DYM: variants seen among roughly 807,000 people sequenced by gnomAD.
The protein encoded by DYM is dymeclin, also known as dyggve-Melchior-Clausen syndrome protein.
Under a neutral mutation model 93.1 loss-of-function variants are expected in DYM, and 78 were observed. The ratio of observed to expected loss-of-function variants is 0.84; its 90% confidence interval spans 0.70 to 1.01. The LOEUF (loss-of-function observed/expected upper bound fraction) is 1.01, where lower values mean the gene tolerates loss of function less well. Among genes scored for constraint, DYM ranks in the 50% least tolerant of loss-of-function variants. The probability of loss-of-function intolerance (pLI) is 0.00; values close to 1 mark genes in which losing one functional copy is unlikely to be tolerated. For missense variants in DYM, 789 were observed against 845.0 expected (o/e 0.93, Z 0.82); for synonymous variants, 321 against 319.7 (o/e 1.00, Z -0.04).
intron 15 of DYM, among the ~76,000 whole-genome samples, chr18:49,124,803 A>G (rs893588478): frequency 6.6e-6 from 1 of 152,210 alleles, no homozygotes; most frequent in Non-Finnish European, 1.5e-5. Context: ...CACATTTTAC[A>G]TGATATTGTA....
intron 14 of DYM, among the ~76,000 whole-genome samples, chr18:49,186,490 G>A (rs182002376): frequency 1.3e-5 from 2 of 151,862 alleles, no homozygotes; most frequent in East Asian, 1.9e-4. Flanking sequence ...CACCCCCTAC[G>A]CTTGGAACAA....
chr18:49,457,925 C>A (rs891465232), intron 1 of DYM, among the ~76,000 whole-genome samples: 6 of 152,126 alleles, frequency 3.9e-5, no homozygotes, highest in South Asian at 2.1e-4. Flanking sequence ...AGGTACGCCA[C>A]AAGCCAAGGA....
intron 17 of DYM, among the ~76,000 whole-genome samples, chr18:49,056,657 A>C (rs987236441): frequency 6.6e-6 from 1 of 150,578 alleles, no homozygotes; most frequent in African/African-American, 2.5e-5. Flanking sequence ...CCCACTTTAG[A>C]CTCCCTAGTA....
In DYM at chr18:49,258,143, T is replaced by C. The variant is rs571409014; in HGVS notation, c.1365+237A>G. ...ATAAAGACATACAATAGCTTTTATCTAAATGTTTTGCATTGCTTGTTTTCT... is the reference window on the plus strand; with the variant it reads ...ATAAAGACATACAATAGCTTTTATCCAAATGTTTTGCATTGCTTGTTTTCT... On this transcript the variant is annotated intron_variant, in intron 12 of 17. Transcript: ENST00000675505. Among the ~76,000 whole-genome samples, 5 of 152,352 alleles carry C rather than the reference T, an allele frequency of 3.3e-5. No homozygotes were observed. The East Asian group carries it at 5.8e-4, about 18-fold the overall frequency.
intron 15 of DYM, among the ~76,000 whole-genome samples, chr18:49,156,091 G>A (rs2086384974): frequency 6.6e-6 from 1 of 152,184 alleles, no homozygotes; most frequent in Admixed American, 6.5e-5. Flanking sequence ...CATCAAAATA[G>A]ATGTGTGAAG....
intron 8 of DYM, among the ~76,000 whole-genome samples, chr18:49,330,097 GT>G (rs1231518971): frequency 1.3e-5 from 2 of 151,938 alleles, no homozygotes; most frequent in Non-Finnish European, 2.9e-5. Context: ...TCCTTTTGTT[GT>G]TTTTTTATAA....
chr18:49,273,524 A>G (rs892155727), intron 10 of DYM, among the ~76,000 whole-genome samples: 1 of 152,144 alleles, frequency 6.6e-6, no homozygotes, highest in African/African-American at 2.4e-5. Flanking sequence ...CTGTGGTTGT[A>G]TTGTCTCATA....
Position 49,395,582 on chromosome 18 carries a change from T to G in DYM, c.141-3937A>C, listed in dbSNP as rs145405132. On this transcript the variant is annotated intron_variant, in intron 2 of 17. Coordinates refer to ENST00000675505, the MANE Select transcript of DYM (RefSeq NM_001353214.3). The stretch of plus-strand genomic sequence containing the variant: ...AGGCAGAGGTTGTGGTGAGCCAAGA[T>G]TGTGCCATTACACTCCAGCCTAGGC... Among the ~76,000 whole-genome samples, 1,500 of 151,952 alleles carry G rather than the reference T, an allele frequency of 9.9e-3. 51 individuals carry two copies. The highest frequency in any genetic ancestry group is 0.073 in the Admixed American group (1,113 of 15,254).
chr18:49,132,377 G>C (rs1166562414), intron 15 of DYM, among the ~76,000 whole-genome samples: 1 of 151,996 alleles, frequency 6.6e-6, no homozygotes, highest in Non-Finnish European at 1.5e-5. Context: ...AGGAAAAATT[G>C]TGTAGGAAAC....
intron 15 of DYM, among the ~76,000 whole-genome samples, chr18:49,154,915 A>G (rs1193117104): frequency 1.3e-5 from 2 of 152,246 alleles, no homozygotes; most frequent in African/African-American, 4.8e-5. Context: ...AATTTAATGC[A>G]TAATTTTCAA....
chr18:49,327,768 G>A (rs2063005432), intron 8 of DYM, among the ~76,000 whole-genome samples: 1 of 152,162 alleles, frequency 6.6e-6, no homozygotes, highest in Non-Finnish European at 1.5e-5. Context: ...GCAAACAGAA[G>A]GCATTCAGCA....
intron 17 of DYM, among the ~76,000 whole-genome samples, chr18:49,089,905 G>C (rs539160339): frequency 6.6e-6 from 1 of 152,160 alleles, no homozygotes; most frequent in South Asian, 2.1e-4. Context: ...ACTCTGGAGG[G>C]ATTCAACTGA....
chr18:49,406,832 G>A (rs537131852), intron 2 of DYM, among the ~76,000 whole-genome samples: 23 of 152,272 alleles, frequency 1.5e-4, no homozygotes, highest in Middle Eastern at 3.4e-3. Context: ...CACAGCAATT[G>A]TACTCTTGAA....
intron 16 of DYM, among the ~76,000 whole-genome samples, chr18:49,106,534 T>C (rs1308156946): frequency 1.3e-5 from 2 of 152,232 alleles, no homozygotes; most frequent in Non-Finnish European, 2.9e-5. Flanking sequence ...GTTTTTGCAG[T>C]GGCTGGTACC....
At chr18:49,345,994 G>A (rs1317632880) in intron 6 of DYM, among the ~76,000 whole-genome samples, 1 of 152,164 alleles carries the variant, frequency 6.6e-6, no homozygotes, top group Non-Finnish European at 1.5e-5. Context: ...AGTGAGAAAG[G>A]CTGTGGAGAA....
chr18:49,155,145 C>T (rs1289563718), intron 15 of DYM, among the ~76,000 whole-genome samples: 1 of 152,182 alleles, frequency 6.6e-6, no homozygotes, highest in East Asian at 1.9e-4. Context: ...GAAGAATATA[C>T]ACACCTTTGT....
At chr18:49,423,556 G>A (rs79720226) in intron 2 of DYM, among the ~76,000 whole-genome samples, 13,886 of 152,188 alleles carry the variant, frequency 0.091, 852 homozygotes, top group East Asian at 0.31. Context: ...GAGCAGAACT[G>A]AAGGAGATAG....
chr18:49,450,996 A>G (rs2082478814), intron 1 of DYM, among the ~76,000 whole-genome samples: 1 of 152,218 alleles, frequency 6.6e-6, no homozygotes, highest in Non-Finnish European at 1.5e-5. Context: ...GGACTCATGA[A>G]CTGAAATGTT....
At chr18:49,390,382 A>G (rs560597557) in intron 3 of DYM, among the ~76,000 whole-genome samples, 25 of 152,118 alleles carry the variant, frequency 1.6e-4, no homozygotes, top group Non-Finnish European at 2.5e-4. Flanking sequence ...GTGAGCCACA[A>G]TGGCACCAGT....
Sources: allele counts gnomAD v4.1 joint callset (sites outside exome capture counted in the v4.1 genomes callset), GRCh38; gene constraint gnomAD v4.1.1; transcripts MANE v1.5; gene names NCBI Gene and HGNC (gene_info 2026-07-23, HGNC 2026-07-21).